Variants in LARP1B observed in about 807,000 individuals in gnomAD.
LARP1B encodes la-related protein 1B.
In LARP1B, 76 loss-of-function variants were observed where a neutral mutation model predicts 114.2. The ratio of observed to expected loss-of-function variants is 0.67; its 90% confidence interval spans 0.55 to 0.81. LARP1B has a LOEUF of 0.81. Ranked by LOEUF, LARP1B falls within the 30% of genes least tolerant of loss-of-function variation. LARP1B has a pLI of 0.00. For synonymous variants in LARP1B, 345 were observed against 348.0 expected, an observed-to-expected ratio of 0.99 and a Z score of 0.10; for missense variants, 1,014 against 1,075.8, an observed-to-expected ratio of 0.94 and a Z score of 0.80.
At chr4:128,082,628 C>T (rs1770946043) in intron 5 of LARP1B, among the ~76,000 whole-genome samples, 2 of 151,800 alleles carry the variant, frequency 1.3e-5, no homozygotes, top group Admixed American at 6.6e-5. Flanking sequence ...CTTTAGGCTC[C>T]ATTAATCTGT....
intron 6 of LARP1B, among the ~76,000 whole-genome samples, chr4:128,219,276 C>G (rs1325302237): frequency 1.7e-5 from 2 of 118,180 alleles, no homozygotes; most frequent in African/African-American, 6.6e-5. Flanking sequence ...ACCATTTGAC[C>G]CAGCCATCCC....
intron 15 of LARP1B, among the ~76,000 whole-genome samples, chr4:128,192,197 A>T (rs1752516671): frequency 6.6e-6 from 1 of 152,198 alleles, no homozygotes; most frequent in South Asian, 2.1e-4. Flanking sequence ...ATGCTATTGC[A>T]CACTTGGTAG....
intron 11 of LARP1B, chr4:128,156,203 G>T: frequency 6.3e-7 from 1 of 1,599,416 alleles, no homozygotes; most frequent in East Asian, 2.2e-5. Flanking sequence ...CTCGCTTTGT[G>T]AGGCACCCGA....
At chr4:128,156,753 C>T (rs1031465833) in intron 11 of LARP1B, among the ~76,000 whole-genome samples, 1 of 151,672 alleles carries the variant, frequency 6.6e-6, no homozygotes, top group African/African-American at 2.4e-5. Flanking sequence ...CTTTGAGAAG[C>T]CTTCAGCTCC....
chr4:128,102,091 AC>A (rs1163273332), intron 8 of LARP1B, among the ~76,000 whole-genome samples: 1 of 152,218 alleles, frequency 6.6e-6, no homozygotes, highest in African/African-American at 2.4e-5. Context: ...AAATAATACC[AC>A]TATTGAAAAG....
At chr4:128,098,767 ATTTTTTTTTTTTTTT>A (rs869184167) in intron 8 of LARP1B, among the ~76,000 whole-genome samples, 2 of 35,032 alleles carry the variant, frequency 5.7e-5, no homozygotes, top group African/African-American at 2.5e-4. Context: ...ATATATATAT[ATTTTTTTTTTTTTTT>A]TTTTTTTTTT....
At chr4:128,157,315 C>G (rs921962793) in intron 11 of LARP1B, among the ~76,000 whole-genome samples, 1 of 151,876 alleles carries the variant, frequency 6.6e-6, no homozygotes, top group African/African-American at 2.4e-5. Flanking sequence ...AAAGAAAAAT[C>G]CAGAGTGAAG....
intron 11 of LARP1B, among the ~76,000 whole-genome samples, chr4:128,155,113 T>A (rs1313436767): frequency 2.6e-5 from 4 of 152,168 alleles, no homozygotes; most frequent in Admixed American, 2.6e-4. Flanking sequence ...TAAATCTCTT[T>A]GGTCCCTTTT....
At chr4:128,133,727 G>T (rs549787334) in intron 11 of LARP1B, among the ~76,000 whole-genome samples, 1 of 151,856 alleles carries the variant, frequency 6.6e-6, no homozygotes, top group Non-Finnish European at 1.5e-5. Context: ...ACAGAGTTTC[G>T]CTCTTGTTGC....
intron 15 of LARP1B, among the ~76,000 whole-genome samples, chr4:128,199,161 G>A (rs1561554662): frequency 6.6e-6 from 1 of 152,156 alleles, no homozygotes; most frequent in Non-Finnish European, 1.5e-5. Context: ...TAATGATTTG[G>A]AGGAGGAATG....
In LARP1B at chr4:128,123,195, C is replaced by A. The variant is rs1011500259; in HGVS notation, c.1524+1007C>A. On this transcript the variant is annotated intron_variant, in intron 11 of 19. Transcript: ENST00000326639. ...AATCCCCAGTACTGCTTTTAGCCTT[C>A]TGTAACCACTGCCTTCTTGGAGGAC... is the stretch of plus-strand genomic sequence containing the variant. 4.1e-6 allele frequency: 4 copies of A among 985,400 alleles called. No homozygotes were observed. The African/African-American group carries it at 7.0e-5, about 17-fold the overall frequency. 61.0% of individuals were successfully genotyped at this position (985,400 alleles called of 1,614,324 possible). A position where few individuals can be genotyped will look rare whatever the true frequency, so the allele number is the denominator to read the frequency against.
chr4:128,167,685 AT>A (rs1395630010), intron 12 of LARP1B, among the ~76,000 whole-genome samples: 3 of 152,032 alleles, frequency 2.0e-5, no homozygotes, highest in Non-Finnish European at 4.4e-5. Context: ...TATGTATATT[AT>A]TTTGGGAACT....
chr4:128,122,239 T>C (rs898610296), intron 11 of LARP1B, 51 bp downstream of exon 11: 2 of 1,585,410 alleles, frequency 1.3e-6, no homozygotes, highest in African/African-American at 1.4e-5. Context: ...TTTGATTGTA[T>C]GTTGCTGTTT....
intron 6 of LARP1B, among the ~76,000 whole-genome samples, chr4:128,219,715 C>A (rs1285843699): frequency 6.9e-6 from 1 of 145,666 alleles, no homozygotes; most frequent in Admixed American, 6.9e-5. Flanking sequence ...TTAGTGGGTG[C>A]AGCGCACCAG....
chr4:128,122,685 A>G (rs1250123841), intron 11 of LARP1B: 2 of 1,328,326 alleles, frequency 1.5e-6, no homozygotes, highest in African/African-American at 1.5e-5. Context: ...ATGGTTGTGG[A>G]CAAACTATAA....
In LARP1B at chr4:128,165,689, A is replaced by G. The variant is rs76507915; in HGVS notation, c.1648+3372A>G. On this transcript the variant is annotated intron_variant, in intron 12 of 19. Coordinates refer to ENST00000326639, the MANE Select transcript of LARP1B (RefSeq NM_018078.4). ...ACAGGCCTCTGTCCTCCACATCCCA[A>G]ATCAGCTACTGATAATACCACCAGA... Among the ~76,000 whole-genome samples the G allele has an allele frequency of 5.8e-3, 883 of 152,208 alleles. 9 individuals are homozygous for G. Among genetic ancestry groups the G allele is most frequent in the African/African-American group, 0.02 (830 of 41,534 alleles).
chr4:128,151,506 T>C (rs529318418), intron 11 of LARP1B, among the ~76,000 whole-genome samples: 1 of 152,334 alleles, frequency 6.6e-6, no homozygotes, highest in Admixed American at 6.5e-5. Flanking sequence ...TTTTTCTTTT[T>C]GGCTATTCAT....
chr4:128,110,300 T>C (rs1783600552), intron 9 of LARP1B, among the ~76,000 whole-genome samples: 2 of 152,172 alleles, frequency 1.3e-5, no homozygotes, highest in African/African-American at 4.8e-5. Flanking sequence ...TTTTTGTTTC[T>C]AAGTAGTTTA....
Position 128,091,483 on chromosome 4 carries a change from A to G in LARP1B, c.639A>G (p.Ala213=), listed in dbSNP as rs1064205. Residue 213 remains alanine, a synonymous_variant, in exon 7 of 20, where the codon GCA becomes GCG. Coordinates refer to ENST00000326639, the MANE Select transcript of LARP1B (RefSeq NM_018078.4). ...TACAGGTGTATCCTGTGGAAGAAGC[A>G]TTGCTTAAAGAGTATATTAAGCGTC... is the stretch of plus-strand genomic sequence containing the variant. ...TGVQVYPVEE[A]LLKEYIKRQI... is the part of the protein sequence containing the mutation. 1,045,561 of 1,605,538 alleles carry G rather than the reference A, an allele frequency of 0.65. 343,506 individuals are homozygous for G. The highest frequency in any genetic ancestry group is 0.83 in the Middle Eastern group (4,983 of 5,990).
Sources: gnomAD v4.1 joint callset for allele counts (sites outside exome capture counted in the v4.1 genomes callset) on GRCh38, gnomAD v4.1.1 for gene constraint, MANE v1.5 for transcripts, NCBI Gene and HGNC (gene_info 2026-07-23, HGNC 2026-07-21) for gene names.